The following C18orf63 variants were observed in gnomAD, a reference collection of about 807,000 sequenced individuals.
C18orf63 encodes uncharacterized protein C18orf63.
A neutral mutation model predicts 75.3 loss-of-function variants in C18orf63; 50 were observed. That is an observed-to-expected ratio of 0.66 (90% CI 0.53 to 0.84). C18orf63 has a LOEUF of 0.84. Ranked by LOEUF, C18orf63 falls within the 40% of genes least tolerant of loss-of-function variation. The pLI is 0.00. For synonymous variants in C18orf63, 232 were observed against 267.6 expected (o/e 0.87, Z 1.30); for missense variants, 732 against 800.2 (o/e 0.91, Z 1.03).
chr18:74,340,673 C>G (rs1350784292), intron 8 of C18orf63, among the ~76,000 whole-genome samples: 2 of 151,970 alleles, frequency 1.3e-5, no homozygotes, highest in Non-Finnish European at 2.9e-5. Context: ...AGTAGTCACC[C>G]TTAAAAGAGA....
Position 74,330,642 on chromosome 18 carries a change from C to A in C18orf63, c.425-224C>A, listed in dbSNP as rs915057237. On this transcript the variant is annotated intron_variant, in intron 6 of 13. Transcript: ENST00000579455. ...TTCTAACCTTGCCTATGACCTGCAC[C>A]CCCCACACACATTCATGCTGTTTCA... Among the ~76,000 whole-genome samples the A allele has an allele frequency of 5.9e-5, 9 of 151,928 alleles. No individual in the cohort carries two copies. In the South Asian group the frequency reaches 1.9e-3, roughly 32 times the overall value.
intron 3 of C18orf63, among the ~76,000 whole-genome samples, chr18:74,320,830 CTG>C (rs1449411397): frequency 1.2e-4 from 19 of 152,060 alleles, no homozygotes; most frequent in Non-Finnish European, 2.6e-4. Context: ...AAGATAAAGA[CTG>C]TTAATGAATA....
intron 3 of C18orf63, among the ~76,000 whole-genome samples, chr18:74,321,062 A>G (rs1984112279): frequency 6.6e-6 from 1 of 152,212 alleles, no homozygotes; most frequent in Non-Finnish European, 1.5e-5. Context: ...CCAATTCTGT[A>G]TGTAACCCTG....
intron 10 of C18orf63, 145 bp from the exon 11 acceptor site, chr18:74,343,374 A>G (rs1984520143): frequency 4.3e-6 from 2 of 466,760 alleles, no homozygotes; most frequent in African/African-American, 4.0e-5. Context: ...TCATCTGTGG[A>G]TGGTATCAGA....
intron 6 of C18orf63, among the ~76,000 whole-genome samples, chr18:74,329,334 A>G (rs1462275594): frequency 1.4e-5 from 2 of 147,160 alleles, no homozygotes; most frequent in Non-Finnish European, 3.0e-5. Flanking sequence ...TGATTGTGCC[A>G]CTGCATTCCA....
chr18:74,354,498 C>G lies in C18orf63; in HGVS notation c.2043C>G (p.Ile681Met). 1.4e-5 allele frequency: 20 copies of G among 1,454,814 alleles called. No homozygotes were observed. The highest frequency in any genetic ancestry group is 1.9e-5 in the Non-Finnish European group (20 of 1,075,428). The allele number at this position is 1,454,814 out of a possible 1,614,324, so 90.1% of individuals were successfully genotyped here. The change falls in exon 13 of 14, where the codon ATC becomes ATG. Residue 681 changes from isoleucine (I) to methionine (M), a missense_variant. Coordinates refer to ENST00000579455, the MANE Select transcript of C18orf63 (RefSeq NM_001174123.2). ...SDKSKLKKSL[I>M]IHNA is the part of the protein sequence containing the mutation. ...AATCAAAACTTAAGAAATCTCTCAT[C>G]ATTCATAATGCTTAGAACATGGACC... is the stretch of plus-strand genomic sequence containing the variant.
chr18:74,348,438 A>G (rs978931119), intron 11 of C18orf63, among the ~76,000 whole-genome samples: 6 of 152,346 alleles, frequency 3.9e-5, no homozygotes, highest in South Asian at 2.1e-4. Context: ...ATTTTGATCG[A>G]TAAAACACTT....
chr18:74,346,624 G>A (rs567120537), intron 11 of C18orf63, among the ~76,000 whole-genome samples: 1 of 152,290 alleles, frequency 6.6e-6, no homozygotes, highest in African/African-American at 2.4e-5. Context: ...TCTGGAAGAA[G>A]ATATGTTGTT....
intron 3 of C18orf63, among the ~76,000 whole-genome samples, chr18:74,321,083 A>G (rs1984112797): frequency 6.6e-6 from 1 of 152,186 alleles, no homozygotes; most frequent in Non-Finnish European, 1.5e-5. Context: ...AATTATAGCG[A>G]AGTGCCAAAA....
chr18:74,328,479 A>G (rs934930032), intron 5 of C18orf63, among the ~76,000 whole-genome samples: 3 of 152,200 alleles, frequency 2.0e-5, no homozygotes, highest in Non-Finnish European at 4.4e-5. Flanking sequence ...ATGAATGTGC[A>G]TCTGTTCTTA....
chr18:74,353,949 C>T lies in C18orf63; in HGVS notation c.1682C>T (p.Ala561Val). ...AACAATTTAGGGGTGGTAAAAAGTG[C>T]TGTTGACTTCCAAATGAAAGGAAAA... ...SNNNLGVVKS[A>V]VDFQMKGKEN... is the part of the protein sequence containing the mutation. Residue 561 changes from alanine to valine, a missense_variant, in exon 12 of 14, where the codon GCT (alanine) becomes GTT (valine). Physicochemically the swap from Ala to Val is moderately conservative, Grantham distance 64 (BLOSUM62 0). This residue lies in a region of C18orf63 where 495 missense variants were observed against 508.7 expected (regional missense o/e 0.97). Coordinates refer to ENST00000579455, the MANE Select transcript of C18orf63 (RefSeq NM_001174123.2). 1 of 1,536,142 alleles carries T rather than the reference C, an allele frequency of 6.5e-7. No individual in the cohort carries two copies. Among genetic ancestry groups the T allele is most frequent in the Non-Finnish European group, 8.7e-7 (1 of 1,146,874 alleles).
rs1258918123 is a variant in C18orf63, at chr18:74,356,584, CT to C, written c.*139del. On this transcript the variant is annotated 3_prime_UTR_variant, in exon 14 of 14. Coordinates refer to ENST00000579455, the MANE Select transcript of C18orf63 (RefSeq NM_001174123.2). ...TACTGCTGTGGAACCTCCTTTTTCA[CT>C]TGACAGTTTCTTTTTATTGTTTGCA... is the stretch of plus-strand genomic sequence containing the variant. 6.6e-6 allele frequency: 1 copy of C among 152,596 alleles called. No homozygotes were observed. The highest frequency in any genetic ancestry group is 1.5e-5 in the Non-Finnish European group (1 of 68,036). The allele number at this position is 152,596 out of a possible 1,614,324, so 9.5% of individuals were successfully genotyped here. A position where few individuals can be genotyped will look rare whatever the true frequency, so the allele number is the denominator to read the frequency against.
chr18:74,350,716 C>G (rs566756191), intron 11 of C18orf63, among the ~76,000 whole-genome samples: 1 of 152,310 alleles, frequency 6.6e-6, no homozygotes, highest in Non-Finnish European at 1.5e-5. Context: ...GCCAGTAATT[C>G]TTCCTTGGTT....
At chr18:74,348,776 G>A (rs1335016985) in intron 11 of C18orf63, among the ~76,000 whole-genome samples, 1 of 152,082 alleles carries the variant, frequency 6.6e-6, no homozygotes, top group Non-Finnish European at 1.5e-5. Flanking sequence ...CATCTCATCT[G>A]CTGTTTACAT....
chr18:74,331,496 C>T (rs1053359781), intron 7 of C18orf63, among the ~76,000 whole-genome samples: 7 of 152,068 alleles, frequency 4.6e-5, no homozygotes, highest in Admixed American at 2.6e-4. Flanking sequence ...TCAATGGAAG[C>T]GGTTGAGGGC....
chr18:74,349,743 T>C (rs1984635247), intron 11 of C18orf63, among the ~76,000 whole-genome samples: 1 of 152,132 alleles, frequency 6.6e-6, no homozygotes, highest in African/African-American at 2.4e-5. Context: ...GATTGAGGAC[T>C]ACTCCTCTAT....
intron 7 of C18orf63, among the ~76,000 whole-genome samples, chr18:74,333,681 A>G (rs562268106): frequency 3.0e-4 from 45 of 152,222 alleles, no homozygotes; most frequent in African/African-American, 1.1e-3. Context: ...ACATGTGGGG[A>G]TTATGGAAAC....
At chr18:74,320,368 CA>C (rs928681365) in intron 2 of C18orf63, 144 bp from the exon 3 acceptor site, 3 of 518,386 alleles carry the variant, frequency 5.8e-6, no homozygotes, top group Admixed American at 7.2e-5. Flanking sequence ...ACTAGAGCAA[CA>C]GGGGGGAAAT....
chr18:74,351,685 T>A (rs1235064717), intron 11 of C18orf63, among the ~76,000 whole-genome samples: 1 of 152,192 alleles, frequency 6.6e-6, no homozygotes, highest in Non-Finnish European at 1.5e-5. Context: ...AGCAACTAAA[T>A]GTTGGTGTGA....
Sources: allele counts gnomAD v4.1 joint callset (sites outside exome capture counted in the v4.1 genomes callset), GRCh38; gene constraint gnomAD v4.1.1; regional missense constraint gnomAD v4.1.1; transcripts MANE v1.5; gene names NCBI Gene and HGNC (gene_info 2026-07-23, HGNC 2026-07-21).